CC2D2A: variants seen among roughly 807,000 people sequenced by gnomAD.
CC2D2A encodes coiled-coil and C2 domain-containing protein 2A.
A neutral mutation model predicts 212.9 loss-of-function variants in CC2D2A; 155 were observed. That is an observed-to-expected ratio of 0.73 (90% CI 0.64 to 0.83). The LOEUF is 0.83. CC2D2A is among the 40% of genes least tolerant of loss of function. The pLI is 0.00. For synonymous variants in CC2D2A, 667 were observed against 686.5 expected (o/e 0.97, Z 0.44); for missense variants, 1,856 against 1,956.2 (o/e 0.95, Z 0.97).
chr4:15,591,353 G>T (rs1001760589), intron 33 of CC2D2A, among the ~76,000 whole-genome samples: 67 of 151,832 alleles, frequency 4.4e-4, no homozygotes, highest in Non-Finnish European at 4.0e-4. Context: ...CTGAGTAGCT[G>T]GGATTACAGG....
At chr4:15,542,003 C>A (rs985699834) in intron 17 of CC2D2A, among the ~76,000 whole-genome samples, 1 of 152,012 alleles carries the variant, frequency 6.6e-6, no homozygotes, top group Non-Finnish European at 1.5e-5. Flanking sequence ...CTTAGAGTTC[C>A]TTGGTTTGTG....
intron 24 of CC2D2A, 55 bp from the exon 25 acceptor site, chr4:15,567,322 A>T: frequency 1.6e-6 from 2 of 1,288,424 alleles, no homozygotes; most frequent in Non-Finnish European, 2.2e-6. Context: ...TGTCTTCTCA[A>T]TATATAATTA....
intron 19 of CC2D2A, among the ~76,000 whole-genome samples, 173 bp from the exon 20 acceptor site, chr4:15,554,899 T>G (rs1010148408): frequency 3.3e-5 from 5 of 152,218 alleles, no homozygotes; most frequent in Non-Finnish European, 4.4e-5. Flanking sequence ...ATTGTCCTTA[T>G]GTTTAATAGC....
chr4:15,593,441 A>G (rs920950319), intron 33 of CC2D2A, among the ~76,000 whole-genome samples: 2 of 152,266 alleles, frequency 1.3e-5, no homozygotes, highest in African/African-American at 4.8e-5. Flanking sequence ...TTTTCTACCT[A>G]TAATTCCTCC....
intron 1 of CC2D2A, among the ~76,000 whole-genome samples, chr4:15,471,334 G>T (rs1341237681): frequency 6.6e-6 from 1 of 152,108 alleles, no homozygotes; most frequent in Admixed American, 6.5e-5. Flanking sequence ...TGAAGGGAGG[G>T]AGACATGAAA....
intron 19 of CC2D2A, among the ~76,000 whole-genome samples, chr4:15,554,276 G>C (rs2109054397): frequency 6.6e-6 from 1 of 152,344 alleles, no homozygotes; most frequent in South Asian, 2.1e-4. Flanking sequence ...TGAGTAACAA[G>C]ATATGCAGGA....
chr4:15,500,536 T>C (rs1192688320), intron 4 of CC2D2A, among the ~76,000 whole-genome samples: 1 of 152,172 alleles, frequency 6.6e-6, no homozygotes, highest in Admixed American at 6.5e-5. Flanking sequence ...TGCCAGACTC[T>C]AATCATTACC....
intron 27 of CC2D2A, among the ~76,000 whole-genome samples, chr4:15,570,099 T>C (rs1720086993): frequency 6.6e-6 from 1 of 152,220 alleles, no homozygotes; most frequent in Non-Finnish European, 1.5e-5. Flanking sequence ...TTCACTTGAC[T>C]GTCTGCACTG....
At chr4:15,505,925 G>A (rs1716229835) in intron 6 of CC2D2A, among the ~76,000 whole-genome samples, 1 of 152,152 alleles carries the variant, frequency 6.6e-6, no homozygotes, top group Non-Finnish European at 1.5e-5. Flanking sequence ...TTTAGATTAT[G>A]GTTTAAAGAG....
At chr4:15,511,167 A>T in intron 7 of CC2D2A, 80 bp from the exon 8 acceptor site, 1 of 1,434,052 alleles carries the variant, frequency 7.0e-7, no homozygotes, top group Non-Finnish European at 9.3e-7. Flanking sequence ...CATTAGCATT[A>T]AGCCAGCTGT....
chr4:15,572,611 C>CA (rs1325080598), intron 28 of CC2D2A, among the ~76,000 whole-genome samples: 1 of 151,436 alleles, frequency 6.6e-6, no homozygotes, highest in Non-Finnish European at 1.5e-5. Context: ...GACAGACCTC[C>CA]ATAGCAAGCA....
intron 35 of CC2D2A, among the ~76,000 whole-genome samples, chr4:15,598,494 G>T (rs78477796): frequency 1.3e-5 from 2 of 152,194 alleles, no homozygotes; most frequent in South Asian, 4.2e-4. Context: ...CCCCTACCTC[G>T]TAAGGTTATT....
chr4:15,585,433 A>G, intron 30 of CC2D2A, among the ~76,000 whole-genome samples: 1 of 152,184 alleles, frequency 6.6e-6, no homozygotes, highest in East Asian at 1.9e-4. Context: ...TGTGGAAACT[A>G]AAAGTTTATC....
chr4:15,512,900 C>A (rs1474434276), intron 8 of CC2D2A, among the ~76,000 whole-genome samples: 1 of 150,640 alleles, frequency 6.6e-6, no homozygotes, highest in African/African-American at 2.4e-5. Flanking sequence ...TGCAGTGAGC[C>A]GAGATTGCGC....
At position 15,601,423 on chromosome 4, in the gene CC2D2A, T is replaced by TA. The variant is rs1721595527; in HGVS notation, c.4863dup. Residue 1621 remains the stop codon, a frameshift_variant and stop_retained_variant, in exon 37 of 37, where the codon TAA becomes TAAA. Transcript: ENST00000424120. LOFTEE classifies it high-confidence loss of function. The part of the protein sequence containing the change: ...IYVASLIRNR[*] ...TGTTGCCTCTCTTATACGCAACAGG[T>TA]AATTTTTTTCACTGTACTTTCTGTA... 9 of 1,463,994 alleles carry TA rather than the reference T, an allele frequency of 6.1e-6. No homozygotes were observed. Among genetic ancestry groups the TA allele is most frequent in the African/African-American group, 1.4e-5 (1 of 70,930 alleles). The allele number at this position is 1,463,994 out of a possible 1,614,324, so 90.7% of individuals were successfully genotyped here. A position where few individuals can be genotyped will look rare whatever the true frequency, so the allele number is the denominator to read the frequency against.
chr4:15,508,750 C>G (rs1489831564), intron 6 of CC2D2A, among the ~76,000 whole-genome samples: 1 of 152,124 alleles, frequency 6.6e-6, no homozygotes, highest in African/African-American at 2.4e-5. Context: ...TTGAAGGTCC[C>G]CAGTGAAGAT....
intron 2 of CC2D2A, among the ~76,000 whole-genome samples, chr4:15,476,815 A>AGGGAGGCTGTCTAATTTGGAGACT: frequency 6.6e-6 from 1 of 152,236 alleles, no homozygotes; most frequent in Non-Finnish European, 1.5e-5. Context: ...ACACCAGAGA[A>AGGGAGGCTGTCTAATTTGGAGACT]GGGAGGCTGT....
intron 3 of CC2D2A, among the ~76,000 whole-genome samples, chr4:15,479,940 G>A (rs1005786448): frequency 3.9e-5 from 6 of 152,178 alleles, no homozygotes; most frequent in African/African-American, 1.4e-4. Flanking sequence ...TATGGGCCAG[G>A]CTTGGAACTT....
chr4:15,560,147 T>C (rs757188875), intron 22 of CC2D2A, among the ~76,000 whole-genome samples: 1 of 152,140 alleles, frequency 6.6e-6, no homozygotes, highest in African/African-American at 2.4e-5. Flanking sequence ...TCCTCTGGAA[T>C]TAGGAAGTGA....
Sources: allele counts gnomAD v4.1 joint callset (sites outside exome capture counted in the v4.1 genomes callset), GRCh38; gene constraint gnomAD v4.1.1; transcripts MANE v1.5; gene names NCBI Gene and HGNC (gene_info 2026-07-23, HGNC 2026-07-21).